SLC38A11: variants seen among roughly 807,000 people sequenced by gnomAD.
SLC38A11 encodes putative sodium-coupled neutral amino acid transporter 11.
SLC38A11 carries 51 observed loss-of-function variants against 49.4 expected under a neutral mutation model. That is an observed-to-expected ratio of 1.03 (90% CI 0.83 to 1.30). The LOEUF is 1.30. Among genes scored for constraint, SLC38A11 ranks in the 50% most tolerant of loss-of-function variants. SLC38A11 has a pLI of 0.00. For missense variants in SLC38A11, 574 were observed against 556.2 expected, an observed-to-expected ratio of 1.03 and a Z score of -0.32; for synonymous variants, 203 against 192.9, an observed-to-expected ratio of 1.05 and a Z score of -0.43.
intron 3 of SLC38A11, among the ~76,000 whole-genome samples, chr2:164,949,036 T>A (rs1688335905): frequency 2.0e-5 from 3 of 149,136 alleles, no homozygotes; most frequent in Admixed American, 6.7e-5. Context: ...GGTATAATTA[T>A]TTTTTTTTTC....
chr2:164,926,752 C>T (rs1686617910), intron 7 of SLC38A11, among the ~76,000 whole-genome samples: 1 of 151,360 alleles, frequency 6.6e-6, no homozygotes, highest in African/African-American at 2.4e-5. Flanking sequence ...TCTGAGAAAA[C>T]TATCGCAAGG....
chr2:164,915,765 C>T, intron 8 of SLC38A11, 138 bp downstream of exon 8: 3 of 625,796 alleles, frequency 4.8e-6, no homozygotes. Context: ...TATATTGGCA[C>T]AAACTAGATC....
chr2:164,952,084 A>G (rs557523424), intron 3 of SLC38A11, among the ~76,000 whole-genome samples: 1 of 152,278 alleles, frequency 6.6e-6, no homozygotes, highest in East Asian at 1.9e-4. Context: ...CAACAAAAAG[A>G]GGAGATGATT....
chr2:164,907,299 G>A (rs1685083182), intron 11 of SLC38A11, among the ~76,000 whole-genome samples: 1 of 121,668 alleles, frequency 8.2e-6, no homozygotes, highest in Non-Finnish European at 1.6e-5. Flanking sequence ...TTTGAGACCG[G>A]GTCTCACTCT....
Position 164,954,825 on chromosome 2 carries a change from A to G in SLC38A11, c.40-80T>C, listed in dbSNP as rs115949536. On this transcript the variant is annotated intron_variant, in intron 1 of 11. Coordinates refer to ENST00000685975, the MANE Select transcript of SLC38A11 (RefSeq NM_001351537.2). The stretch of plus-strand genomic sequence containing the variant: ...TAACAAATATGTAATGCAGGATACT[A>G]ACACGATTTTCTAGTAATAATAAGT... 237 of 626,390 alleles carry G rather than the reference A, an allele frequency of 3.8e-4. No homozygotes were observed. The African/African-American group carries it at 4.1e-3, about 11-fold the overall frequency. The allele number at this position is 626,390 out of a possible 1,614,324, so 38.8% of individuals were successfully genotyped here.
At chr2:164,937,457 C>T (rs1424557983) in intron 6 of SLC38A11, 28 bp from the exon 7 acceptor site, 9 of 1,312,622 alleles carry the variant, frequency 6.9e-6, no homozygotes, top group East Asian at 2.3e-5. Context: ...AGGATATTGC[C>T]GGTTTAGGAC....
At chr2:164,914,145 T>C (rs1436388918) in intron 9 of SLC38A11, among the ~76,000 whole-genome samples, 1 of 152,064 alleles carries the variant, frequency 6.6e-6, no homozygotes, top group South Asian at 2.1e-4. Flanking sequence ...TCAGCCAGCA[T>C]GAGCAAGTTA....
chr2:164,903,371 G>A (rs1379259851), intron 11 of SLC38A11, among the ~76,000 whole-genome samples: 1 of 152,130 alleles, frequency 6.6e-6, no homozygotes, highest in Non-Finnish European at 1.5e-5. Context: ...TAACTTGCTG[G>A]GCAGTGCAAA....
At chr2:164,913,486 G>C (rs1240887458) in intron 9 of SLC38A11, among the ~76,000 whole-genome samples, 1 of 152,032 alleles carries the variant, frequency 6.6e-6, no homozygotes, top group Non-Finnish European at 1.5e-5. Context: ...ATTTACCTAA[G>C]GAGAGGTGGC....
intron 11 of SLC38A11, among the ~76,000 whole-genome samples, chr2:164,899,660 CG>C (rs1247075497): frequency 6.6e-6 from 1 of 151,826 alleles, no homozygotes; most frequent in Non-Finnish European, 1.5e-5. Flanking sequence ...ATAAAACATA[CG>C]TTTTTAAAAA....
rs1382342761 is a variant in SLC38A11, at chr2:164,896,901, T to C, written c.*1536A>G. ...TACCCTTTATACACTTCCTGTAGGA[T>C]TTCTTTTTGCATTTGATTTGTACAA... On this transcript the variant is annotated 3_prime_UTR_variant, in exon 12 of 12. Coordinates refer to ENST00000685975, the MANE Select transcript of SLC38A11 (RefSeq NM_001351537.2). The C allele has an allele frequency of 6.6e-6, 1 of 151,292 alleles. No homozygotes were observed. Among genetic ancestry groups the C allele is most frequent in the East Asian group, 1.9e-4 (1 of 5,140 alleles). 9.4% of individuals were successfully genotyped at this position (151,292 alleles called of 1,614,324 possible). A position where few individuals can be genotyped will look rare whatever the true frequency, so the allele number is the denominator to read the frequency against.
rs1684450254 is a variant in SLC38A11 at position 164,898,565 on chromosome 2, G to C, written c.1261C>G (p.Gln421Glu). 1 of 1,613,648 alleles carries C rather than the reference G, an allele frequency of 6.2e-7. No individual in the cohort carries two copies. The highest frequency in any genetic ancestry group is 8.5e-7 in the Non-Finnish European group (1 of 1,179,762). The part of the protein sequence containing the change: ...FGFVMAITNT[Q>E]DCTHGQEMFY... ...ATTTCCTGCCCATGGGTGCAGTCTT[G>C]AGTATTTGTAATAGCCATGACGAAT... The change falls in exon 12 of 12, where the codon CAA becomes GAA. Residue 421 changes from glutamine to glutamate, a missense_variant. Coordinates refer to ENST00000685975, the MANE Select transcript of SLC38A11 (RefSeq NM_001351537.2).
At chr2:164,947,330 C>A (rs1169893691) in intron 3 of SLC38A11, among the ~76,000 whole-genome samples, 1 of 151,744 alleles carries the variant, frequency 6.6e-6, no homozygotes, top group African/African-American at 2.4e-5. Flanking sequence ...CGGGGTTTTG[C>A]CACGTTGGCC....
In SLC38A11 at chr2:164,898,726, A is replaced by T. The variant is rs748169401; in HGVS notation, c.1100T>A (p.Val367Glu). ...AAAAATGAGGGGAGTTGCACAGAGC[A>T]CACCCTGCATGTTGAAAACAAGAAA... is the stretch of plus-strand genomic sequence containing the variant. The part of the protein sequence containing the change: ...CLGIVLELNG[V>E]LCATPLIFII... The change falls in exon 12 of 12, where the codon GTG becomes GAG. Residue 367 changes from valine to glutamate, a missense_variant. Coordinates refer to ENST00000685975, the MANE Select transcript of SLC38A11 (RefSeq NM_001351537.2). 6.2e-7 allele frequency: 1 copy of T among 1,607,354 alleles called. No homozygotes were observed.
chr2:164,898,497 T>G lies in SLC38A11; in HGVS notation c.1329A>C (p.Ser443=). 1 of 1,613,422 alleles carries G rather than the reference T, an allele frequency of 6.2e-7. No individual in the cohort carries two copies. The highest frequency in any genetic ancestry group is 8.5e-7 in the Non-Finnish European group (1 of 1,179,576). The change falls in exon 12 of 12, where the codon TCA becomes TCC. Residue 443 remains serine (S), a synonymous_variant. Coordinates refer to ENST00000685975, the MANE Select transcript of SLC38A11 (RefSeq NM_001351537.2). Reference sequence around the variant, plus strand: ...GTGTTGTCTGCTGAACATGAGACTCTGAGGTATTTGTGAGAGAGAAATTGT... The same window carrying G: ...GTGTTGTCTGCTGAACATGAGACTCGGAGGTATTTGTGAGAGAGAAATTGT... The part of the protein sequence containing the change: ...FPDNFSLTNT[S]ESHVQQTTQL...
At chr2:164,937,625 G>A (rs189900764) in intron 6 of SLC38A11, 196 bp from the exon 7 acceptor site, 195 of 468,466 alleles carry the variant, frequency 4.2e-4, no homozygotes, top group African/African-American at 3.4e-3. Context: ...TTGGTTCCCC[G>A]CACCCACCCC....
chr2:164,929,917 A>G (rs191896858), intron 7 of SLC38A11, among the ~76,000 whole-genome samples: 54 of 152,214 alleles, frequency 3.5e-4, no homozygotes, highest in Non-Finnish European at 7.4e-4. Flanking sequence ...CCAAAATCAG[A>G]GCTGAAGGAT....
intron 3 of SLC38A11, among the ~76,000 whole-genome samples, chr2:164,946,320 C>A (rs993166825): frequency 6.6e-6 from 1 of 152,036 alleles, no homozygotes; most frequent in African/African-American, 2.4e-5. Flanking sequence ...GTAATCCCAG[C>A]ACTTTGGGAG....
At chr2:164,944,491 A>G (rs1687978315) in intron 5 of SLC38A11, 78 bp downstream of exon 5, 3 of 587,964 alleles carry the variant, frequency 5.1e-6, no homozygotes, top group Non-Finnish European at 7.6e-6. Context: ...TTTTATTTAT[A>G]ATTATGAACC....
Sources: allele counts gnomAD v4.1 joint callset (sites outside exome capture counted in the v4.1 genomes callset), GRCh38; gene constraint gnomAD v4.1.1; transcripts MANE v1.5; gene names NCBI Gene and HGNC (gene_info 2026-07-23, HGNC 2026-07-21).